PIK3CA: variants seen among roughly 807,000 people sequenced by gnomAD.
The protein encoded by PIK3CA is phosphatidylinositol-4,5-bisphosphate 3-kinase catalytic subunit alpha, also known as phosphatidylinositol 4,5-bisphosphate 3-kinase catalytic subunit alpha isoform.
In PIK3CA, 27 loss-of-function variants were observed where a neutral mutation model predicts 138.2. The observed-to-expected ratio is 0.20, with a 90% CI of 0.14 to 0.27. The LOEUF (loss-of-function observed/expected upper bound fraction) is 0.27, where lower values mean the gene tolerates loss of function less well. Among genes scored for constraint, PIK3CA ranks in the 10% least tolerant of loss-of-function variants. PIK3CA has a pLI of 1.00. For missense variants in PIK3CA, 544 were observed against 1,277.4 expected (o/e 0.43, Z 8.75); for synonymous variants, 358 against 413.2 (o/e 0.87, Z 1.62).
chr3:179,211,388 A>C (rs1275392698), intron 9 of PIK3CA, among the ~76,000 whole-genome samples: 4 of 152,130 alleles, frequency 2.6e-5, no homozygotes, highest in African/African-American at 9.7e-5. Context: ...AATGCTATGT[A>C]GGCTGGGTGC....
chr3:179,179,822 A>G (rs1403795189), intron 1 of PIK3CA, among the ~76,000 whole-genome samples: 1 of 152,232 alleles, frequency 6.6e-6, no homozygotes, highest in Admixed American at 6.5e-5. Flanking sequence ...TTAGCAAAAT[A>G]TTCAAAAGTT....
intron 1 of PIK3CA, among the ~76,000 whole-genome samples, chr3:179,182,126 C>T (rs527368995): frequency 3.9e-5 from 6 of 152,256 alleles, no homozygotes; most frequent in South Asian, 2.1e-4. Flanking sequence ...AACTTTCTTA[C>T]GTCTTCCTCT....
intron 15 of PIK3CA, 34 bp downstream of exon 15, chr3:179,224,221 A>G: frequency 2.0e-6 from 2 of 999,684 alleles, no homozygotes; most frequent in East Asian, 2.4e-5. Flanking sequence ...ATATATTTAA[A>G]TAAATACCTT....
intron 9 of PIK3CA, among the ~76,000 whole-genome samples, chr3:179,214,944 C>T (rs544820368): frequency 6.6e-4 from 101 of 152,206 alleles, no homozygotes; most frequent in Non-Finnish European, 1.3e-3. Context: ...ATTAACTCTC[C>T]CTGATTTCTC....
intron 1 of PIK3CA, among the ~76,000 whole-genome samples, chr3:179,190,792 G>A (rs13082485): frequency 0.069 from 10,511 of 152,206 alleles, 456 homozygotes; most frequent in Non-Finnish European, 0.099. Context: ...CATATGCATA[G>A]GGGTCCTACA....
chr3:179,149,056 C>G (rs374212480), intron 1 of PIK3CA, among the ~76,000 whole-genome samples: 6 of 152,228 alleles, frequency 3.9e-5, no homozygotes, highest in South Asian at 4.1e-4. Flanking sequence ...CTGTCACGCC[C>G]GAGGACTCCG....
rs1560137217 is a variant in PIK3CA at position 179,199,081 on chromosome 3, A to G, written c.256A>G (p.Thr86Ala). 6.2e-7 allele frequency: 1 copy of G among 1,613,730 alleles called. No homozygotes were observed. The highest frequency in any genetic ancestry group is 2.2e-5 in the East Asian group (1 of 44,864). ...AGAAAGGGAAGAATTTTTTGATGAAACAAGACGACTTTGTGACCTTCGGCT... is the reference window on the plus strand; with the variant it reads ...AGAAAGGGAAGAATTTTTTGATGAAGCAAGACGACTTTGTGACCTTCGGCT... ...EAEREEFFDETRRLCDLRLFQ... is the reference protein window; with the variant it reads ...EAEREEFFDEARRLCDLRLFQ... The change falls in exon 2 of 21, where the codon ACA becomes GCA. Residue 86 changes from threonine (T) to alanine (A), a missense_variant. Around this residue, in one of 14 missense-constraint regions of PIK3CA, gnomAD observed 8 missense variants for 49.9 expected, o/e 0.16. Coordinates refer to ENST00000263967, the MANE Select transcript of PIK3CA (RefSeq NM_006218.4).
At chr3:179,193,258 G>A (rs1418417056) in intron 1 of PIK3CA, among the ~76,000 whole-genome samples, 1 of 152,146 alleles carries the variant, frequency 6.6e-6, no homozygotes, top group Admixed American at 6.6e-5. Context: ...TGATGATCGA[G>A]GCATCTGTTG....
chr3:179,179,080 A>G (rs1220156781), intron 1 of PIK3CA, among the ~76,000 whole-genome samples: 2 of 152,230 alleles, frequency 1.3e-5, no homozygotes, highest in Admixed American at 1.3e-4. Context: ...AAAATCCAAG[A>G]TCCAAGTTCC....
At chr3:179,160,754 T>C (rs971088374) in intron 1 of PIK3CA, among the ~76,000 whole-genome samples, 2 of 152,206 alleles carry the variant, frequency 1.3e-5, no homozygotes, top group Admixed American at 6.5e-5. Flanking sequence ...CAGTGTGGTA[T>C]ACAAAAACCA....
intron 1 of PIK3CA, among the ~76,000 whole-genome samples, chr3:179,194,232 A>AT (rs1433620400): frequency 3.9e-5 from 6 of 151,902 alleles, no homozygotes; most frequent in South Asian, 4.2e-4. Flanking sequence ...ATTTTATTTT[A>AT]TTTTTTTTGG....
rs201815216 is a variant in PIK3CA at position 179,219,217 on chromosome 3, C to T, written c.1686C>T (p.Pro562=). The T allele has an allele frequency of 3.9e-5, 63 of 1,601,978 alleles. No individual in the cohort carries two copies. Among genetic ancestry groups the T allele is most frequent in the Non-Finnish European group, 4.0e-5 (47 of 1,169,776 alleles). ...WSHRHYCVTI[P]EILPKLLLSV... is the part of the protein sequence containing the mutation. ...ACAGACACTATTGTGTAACTATCCC[C>T]GAAATTCTACCCAAATTGCTTCTGT... Residue 562 remains proline, a synonymous_variant, in exon 11 of 21, where the codon CCC becomes CCT. Coordinates refer to ENST00000263967, the MANE Select transcript of PIK3CA (RefSeq NM_006218.4). This position sits in a 1 kb window ranked among gnomAD's most constrained non-coding sequence, Gnocchi z 4.2.
At chr3:179,177,908 AT>A (rs1232486226) in intron 1 of PIK3CA, among the ~76,000 whole-genome samples, 1 of 152,072 alleles carries the variant, frequency 6.6e-6, no homozygotes, top group African/African-American at 2.4e-5. Context: ...AATTCCCAGC[AT>A]TTACAAGGGA....
At chr3:179,173,404 C>CAAAAAAAAAAAAAAAAAA (rs749831764) in intron 1 of PIK3CA, among the ~76,000 whole-genome samples, 1 of 43,110 alleles carries the variant, frequency 2.3e-5, no homozygotes, top group African/African-American at 7.9e-5. Flanking sequence ...GCTAAAAATA[C>CAAAAAAAAAAAAAAAAAA]AAAAAAAAAA....
Position 179,212,073 on chromosome 3 carries a change from T to C in PIK3CA, c.1539+1508T>C, listed in dbSNP as rs553145068. Among the ~76,000 whole-genome samples, 214 of 151,616 alleles carry C rather than the reference T, an allele frequency of 1.4e-3. 1 individual carries two copies. The highest frequency in any genetic ancestry group is 5.0e-3 in the African/African-American group (205 of 41,038). ...CTCAGGCTAGAGTGCAATGGCACAATCTTGGCTCACTGCAACCTCTGCCTC... is the reference window on the plus strand; with the variant it reads ...CTCAGGCTAGAGTGCAATGGCACAACCTTGGCTCACTGCAACCTCTGCCTC... On this transcript the variant is annotated intron_variant, in intron 9 of 20. Transcript: ENST00000263967.
rs1458716063 is a variant in PIK3CA, at chr3:179,238,350, TATATC to T, written c.*3987_*3991del. 9.3e-6 allele frequency: 2 copies of T among 215,130 alleles called. No homozygotes were observed. The highest frequency in any genetic ancestry group is 4.5e-5 in the African/African-American group (2 of 44,312). 13.3% of individuals were successfully genotyped at this position (215,130 alleles called of 1,614,324 possible). On this transcript the variant is annotated 3_prime_UTR_variant, in exon 21 of 21. Transcript: ENST00000263967. ...TAATTATTACATTAAAAATTGTAAATATATCTATGTGCCATGGCCTGGGAAGCCTG... is the reference window on the plus strand; with the variant it reads ...TAATTATTACATTAAAAATTGTAAATTATGTGCCATGGCCTGGGAAGCCTG...
At chr3:179,192,457 G>A (rs1211915740) in intron 1 of PIK3CA, among the ~76,000 whole-genome samples, 1 of 152,198 alleles carries the variant, frequency 6.6e-6, no homozygotes, top group East Asian at 1.9e-4. Flanking sequence ...CCTATTTCAA[G>A]ATTTTAACTT....
intron 4 of PIK3CA, among the ~76,000 whole-genome samples, chr3:179,202,376 G>C (rs977105210): frequency 1.3e-5 from 2 of 152,058 alleles, no homozygotes; most frequent in Non-Finnish European, 2.9e-5. Context: ...AGCCTATTTC[G>C]TGATTTTTAT....
At chr3:179,195,765 A>G (rs1724251448) in intron 1 of PIK3CA, among the ~76,000 whole-genome samples, 1 of 152,244 alleles carries the variant, frequency 6.6e-6, no homozygotes, top group Non-Finnish European at 1.5e-5. Context: ...TCTCATATGT[A>G]AAATGATAAT....
Sources: allele counts gnomAD v4.1 joint callset (sites outside exome capture counted in the v4.1 genomes callset), GRCh38; gene constraint gnomAD v4.1.1; regional missense constraint gnomAD v4.1.1; non-coding constraint Gnocchi (gnomAD v3.1); transcripts MANE v1.5; gene names NCBI Gene and HGNC (gene_info 2026-07-23, HGNC 2026-07-21).